PIK3CD: variants seen among roughly 807,000 people sequenced by gnomAD.
PIK3CD encodes the protein phosphatidylinositol-4,5-bisphosphate 3-kinase catalytic subunit delta, also known as phosphatidylinositol 4,5-bisphosphate 3-kinase catalytic subunit delta isoform.
A neutral mutation model predicts 122.9 loss-of-function variants in PIK3CD; 20 were observed. The ratio of observed to expected loss-of-function variants is 0.16; its 90% CI spans 0.11 to 0.24. PIK3CD has a LOEUF of 0.24. Among genes scored for constraint, PIK3CD ranks in the 10% least tolerant of loss-of-function variants. PIK3CD has a pLI of 1.00. For missense variants in PIK3CD, 787 were observed against 1,406.3 expected, an observed-to-expected ratio of 0.56 and a Z score of 7.04; for synonymous variants, 596 against 593.4, an observed-to-expected ratio of 1.00 and a Z score of -0.06.
At chr1:9,712,776 C>T (rs1647108661) in intron 3 of PIK3CD, among the ~76,000 whole-genome samples, 1 of 152,122 alleles carries the variant, frequency 6.6e-6, no homozygotes, top group Admixed American at 6.5e-5. Flanking sequence ...TGGCTCATGC[C>T]TATAATCCCA....
At chr1:9,654,501 C>A in intron 1 of PIK3CD, 1 of 524,200 alleles carries the variant, frequency 1.9e-6, no homozygotes, top group Non-Finnish European at 2.6e-6. Context: ...AGCCCGCTTT[C>A]GCACAACTGT....
intron 1 of PIK3CD, among the ~76,000 whole-genome samples, chr1:9,678,884 G>A (rs917557360): frequency 2.6e-5 from 4 of 152,052 alleles, no homozygotes; most frequent in African/African-American, 9.7e-5. Flanking sequence ...AGCAAGGATC[G>A]ACTTTCCTGC....
chr1:9,713,769 A>T (rs538405247), intron 3 of PIK3CD, among the ~76,000 whole-genome samples: 3 of 146,716 alleles, frequency 2.0e-5, no homozygotes, highest in East Asian at 4.0e-4. Context: ...TTTATTTTTT[A>T]TTATTATTAT....
intron 1 of PIK3CD, among the ~76,000 whole-genome samples, chr1:9,657,704 C>T (rs1346555924): frequency 1.3e-5 from 2 of 152,166 alleles, no homozygotes; most frequent in Non-Finnish European, 2.9e-5. Flanking sequence ...CCATTCCCAG[C>T]CCAGGGCTAC....
chr1:9,659,284 ACCTGCACGT>A (rs1644945834), intron 1 of PIK3CD, among the ~76,000 whole-genome samples: 2 of 152,166 alleles, frequency 1.3e-5, no homozygotes, highest in African/African-American at 4.8e-5. Context: ...TATGCAACAA[ACCTGCACGT>A]CCTGCACATG....
rs534711942 is a variant in PIK3CD at position 9,716,165 on chromosome 1, C to T, written c.600+87C>T. ...TGAAACTCCTCAGTCATCCGCAAGC[C>T]CCCCTCCCCCAGTGGCATCAGATGG... On this transcript the variant is annotated intron_variant, in intron 5 of 23. Transcript: ENST00000377346. 4.8e-3 allele frequency: 5,434 copies of T among 1,139,982 alleles called. 30 individuals carry two copies. Among genetic ancestry groups the T allele is most frequent in the Non-Finnish European group, 5.7e-3 (4,402 of 774,850 alleles). The allele number at this position is 1,139,982 out of a possible 1,614,324, so 70.6% of individuals were successfully genotyped here.
At chr1:9,674,476 T>A (rs554545284) in intron 1 of PIK3CD, among the ~76,000 whole-genome samples, 1 of 151,974 alleles carries the variant, frequency 6.6e-6, no homozygotes, top group South Asian at 2.1e-4. Flanking sequence ...GGTCAGGAGT[T>A]CTAGACTGGT....
intron 1 of PIK3CD, among the ~76,000 whole-genome samples, chr1:9,655,386 A>G (rs1053950783): frequency 1.3e-5 from 2 of 152,098 alleles, no homozygotes; most frequent in Non-Finnish European, 2.9e-5. Context: ...ATCCCCGGCA[A>G]TCATAGCAGA....
intron 1 of PIK3CD, among the ~76,000 whole-genome samples, chr1:9,673,678 C>T (rs114116433): frequency 0.013 from 1,929 of 152,322 alleles, 19 homozygotes; most frequent in Non-Finnish European, 0.021. Context: ...GCCGGAATTG[C>T]AGATGTGAGC....
chr1:9,662,445 T>G (rs1645036749), intron 1 of PIK3CD: 1 of 154,146 alleles, frequency 6.5e-6, no homozygotes, highest in Non-Finnish European at 1.4e-5. Context: ...CCTTTAAACC[T>G]GGACCCGCTT....
intron 2 of PIK3CD, among the ~76,000 whole-genome samples, chr1:9,693,317 C>T (rs1165850771): frequency 2.6e-5 from 4 of 152,074 alleles, no homozygotes; most frequent in Admixed American, 1.3e-4. Context: ...CTCCGCCTCC[C>T]GGGTTCAAGC....
Position 9,721,460 on chromosome 1 carries a change from C to T in PIK3CD, c.1828C>T (p.Gln610Ter), listed in dbSNP as rs1410207038. ...TCCCTGCAGGGACGATGAGCTGTTCCAGTACCTGCTGCAGCTGGTGCAGGT... is the reference window on the plus strand; with the variant it reads ...TCCCTGCAGGGACGATGAGCTGTTCTAGTACCTGCTGCAGCTGGTGCAGGT... ...LRKLTDDELF[Q>*]YLLQLVQVLK... The change falls in exon 15 of 24, where the codon CAG (glutamine) becomes TAG (stop). Residue 610 changes from glutamine (Q) to a stop codon, truncating the protein, a stop_gained. Coordinates refer to ENST00000377346, the MANE Select transcript of PIK3CD (RefSeq NM_005026.5). LOFTEE classifies it high-confidence loss of function. 1 of 1,613,634 alleles carries T rather than the reference C, an allele frequency of 6.2e-7. No individual in the cohort carries two copies. Among genetic ancestry groups the T allele is most frequent in the Non-Finnish European group, 8.5e-7 (1 of 1,180,022 alleles).
At chr1:9,648,341 T>C (rs563299776), upstream of PIK3CD, among the ~76,000 whole-genome samples, 7 of 152,352 alleles carry the variant, frequency 4.6e-5, no homozygotes, top group South Asian at 1.0e-3. Context: ...AAAAGCATGA[T>C]TTGAATTGCT....
In PIK3CD at chr1:9,718,777, G is replaced by T; in HGVS notation, c.1104G>T (p.Glu368Asp). The T allele has an allele frequency of 6.2e-7, 1 of 1,611,420 alleles. No individual in the cohort carries two copies. Among genetic ancestry groups the T allele is most frequent in the Non-Finnish European group, 8.5e-7 (1 of 1,179,992 alleles). ...VSSSEVSVCSEPVWKQRLEFD... is the reference protein window; with the variant it reads ...VSSSEVSVCSDPVWKQRLEFD... The stretch of plus-strand genomic sequence containing the variant: ...GCTCGGAGGTGAGCGTGTGCTCGGA[G>T]CCCGTGTGGAAGCAGCGGCTGGAGT... Residue 368 changes from glutamate (E) to aspartate (D), a missense_variant, in exon 9 of 24, where the codon GAG becomes GAT. Coordinates refer to ENST00000377346, the MANE Select transcript of PIK3CD (RefSeq NM_005026.5). The surrounding 1 kb of genome is among the most constrained non-coding windows in gnomAD (Gnocchi z 7.2).
rs1646194995 is a variant in PIK3CD at position 9,691,506 on chromosome 1, C to T, written c.-98C>T. 1 of 398,470 alleles carries T rather than the reference C, an allele frequency of 2.5e-6. No individual in the cohort carries two copies. Among genetic ancestry groups the T allele is most frequent in the African/African-American group, 2.1e-5 (1 of 48,598 alleles). The allele number at this position is 398,470 out of a possible 1,614,324, so 24.7% of individuals were successfully genotyped here. On this transcript the variant is annotated 5_prime_UTR_variant, in exon 2 of 24. Coordinates refer to ENST00000377346, the MANE Select transcript of PIK3CD (RefSeq NM_005026.5). ...CAGGGCGGGATGACACTCATTGATT[C>T]TAAAGCATCTTTAATCTGCCAGGCG...
chr1:9,672,377 A>G (rs2101000540), intron 1 of PIK3CD: 1 of 152,234 alleles, frequency 6.6e-6, no homozygotes, highest in South Asian at 2.1e-4. Context: ...GATTAGTACC[A>G]AAGAGGATGA....
chr1:9,647,458 TCTTAA>T (rs1449833692), upstream of PIK3CD, among the ~76,000 whole-genome samples: 4 of 148,084 alleles, frequency 2.7e-5, no homozygotes, highest in African/African-American at 7.5e-5. Flanking sequence ...AGTTTACAGA[TCTTAA>T]CTTTTATTCA....
chr1:9,639,171 C>A, the PIK3CD span, among the ~76,000 whole-genome samples: 1 of 152,198 alleles, frequency 6.6e-6, no homozygotes, highest in African/African-American at 2.4e-5. Flanking sequence ...CCTGCATGTA[C>A]ACTTTTTCAT....
rs1262560788 is a variant in PIK3CD at position 9,720,838 on chromosome 1, G to C, written c.1618G>C (p.Glu540Gln). The change falls in exon 13 of 24, where the codon GAG (glutamate) becomes CAG (glutamine). Residue 540 changes from glutamate (E) to glutamine (Q), a missense_variant. By Grantham distance (29) the Glu-to-Gln change is conservative. This residue lies in a region of PIK3CD where 592 missense variants were observed against 920.6 expected (regional missense o/e 0.64). Transcript: ENST00000377346. The surrounding 1 kb of genome is among the most constrained non-coding windows in gnomAD (Gnocchi z 9.0). Reference sequence around the variant, plus strand: ...GTGGAAGCTGCGGCATGAAGTCCAGGAGCACTTCCCGGAGGCGCTAGCCCG... The same window carrying C: ...GTGGAAGCTGCGGCATGAAGTCCAGCAGCACTTCCCGGAGGCGCTAGCCCG... ...LVWKLRHEVQ[E>Q]HFPEALARLL... 1.9e-6 allele frequency: 3 copies of C among 1,612,750 alleles called. No homozygotes were observed. The highest frequency in any genetic ancestry group is 3.3e-5 in the Admixed American group (2 of 59,914).
Sources: allele counts gnomAD v4.1 joint callset (sites outside exome capture counted in the v4.1 genomes callset), GRCh38; gene constraint gnomAD v4.1.1; regional missense constraint gnomAD v4.1.1; non-coding constraint Gnocchi (gnomAD v3.1); transcripts MANE v1.5; gene names NCBI Gene and HGNC (gene_info 2026-07-23, HGNC 2026-07-21).